TNIK: variants seen among roughly 807,000 people sequenced by gnomAD.
TNIK encodes TRAF2 and NCK interacting kinase, also known as TRAF2 and NCK-interacting protein kinase.
Under a neutral mutation model 191.3 loss-of-function variants are expected in TNIK, and 49 were observed. The observed-to-expected ratio is 0.26, with a 90% CI of 0.20 to 0.32. TNIK has a LOEUF of 0.32. Ranked by LOEUF, TNIK falls within the 10% of genes least tolerant of loss-of-function variation. The pLI, the probability that TNIK is intolerant of heterozygous loss-of-function variation, is 1.00. For missense variants in TNIK, 1,155 were observed against 1,702.3 expected (o/e 0.68, Z 5.66); for synonymous variants, 594 against 600.9 (o/e 0.99, Z 0.17).
rs75669163 is a variant in TNIK at position 171,145,548 on chromosome 3, G to A, written c.1222-5039C>T. On this transcript the variant is annotated intron_variant, in intron 12 of 32. Transcript: ENST00000436636. ...GCTGTGTGGCTGCACTTTCAAGCAT[G>A]TGAATTTGTTAGTTAATTTTAATGA... Among the ~76,000 whole-genome samples the A allele has an allele frequency of 4.6e-3, 702 of 152,222 alleles. 4 individuals are homozygous for A. Among genetic ancestry groups the A allele is most frequent in the Middle Eastern group, 0.041 (12 of 294 alleles).
chr3:171,138,191 C>T lies in TNIK; in HGVS notation c.1608G>A (p.Glu536=). The T allele has an allele frequency of 1.9e-6, 3 of 1,583,620 alleles. No homozygotes were observed. Among genetic ancestry groups the T allele is most frequent in the South Asian group, 1.2e-5 (1 of 85,402 alleles). The part of the protein sequence containing the change: ...SPSEKPAWAK[E]VEERSRLNRQ... ...GGTGAGGCTACCCTTGCTTACTTAC[C>T]TCCTTGGCCCATGCTGGCTTCTCAC... The change falls in exon 15 of 33, where the codon GAG becomes GAA. Residue 536 remains glutamate, a splice_region_variant and synonymous_variant. Transcript: ENST00000436636.
Position 171,071,274 on chromosome 3 carries a change from C to T in TNIK, c.3498G>A (p.Val1166=). 1.2e-6 allele frequency: 2 copies of T among 1,605,944 alleles called. No individual in the cohort carries two copies. The highest frequency in any genetic ancestry group is 1.7e-6 in the Non-Finnish European group (2 of 1,176,390). The change falls in exon 29 of 33, where the codon GTG becomes GTA. Residue 1166 remains valine, a synonymous_variant. Transcript: ENST00000436636. ...GTTTAGGAGCCCAAGCATATATTTC[C>T]ACAGCATTCTTTAAGGCAATCACCA... The part of the protein sequence containing the change: ...KFLVIALKNA[V]EIYAWAPKPY...
chr3:171,093,362 A>G (rs77512634), intron 23 of TNIK, among the ~76,000 whole-genome samples: 11,797 of 152,310 alleles, frequency 0.077, 494 homozygotes, highest in Middle Eastern at 0.13. Flanking sequence ...ATTTCAATAA[A>G]ATAACTTAAC....
rs899741871 is a variant in TNIK at position 171,334,102 on chromosome 3, C to G, written c.123+35518G>C. ...GGGAAGTGTCAAGTACAGCACTGGA[C>G]AGTGGGTGGGGCTGATCACAATGAC... is the stretch of plus-strand genomic sequence containing the variant. On this transcript the variant is annotated intron_variant, in intron 2 of 32. Coordinates refer to ENST00000436636, the MANE Select transcript of TNIK (RefSeq NM_015028.4). 7.2e-5 allele frequency among the ~76,000 whole-genome samples: 11 copies of G among 152,174 alleles called. No homozygotes were observed. In the East Asian group the frequency reaches 2.1e-3, roughly 29 times the overall value.
chr3:171,225,322 C>A (rs1391274759), intron 3 of TNIK, among the ~76,000 whole-genome samples: 1 of 152,098 alleles, frequency 6.6e-6, no homozygotes, highest in African/African-American at 2.4e-5. Context: ...CATCAGACAC[C>A]ACAAAAATAA....
At chr3:171,120,291 G>A (rs548140861) in intron 18 of TNIK, among the ~76,000 whole-genome samples, 5 of 151,250 alleles carry the variant, frequency 3.3e-5, no homozygotes, top group Non-Finnish European at 5.9e-5. Flanking sequence ...TTGCTTAACC[G>A]TTAGGCTCTG....
chr3:171,343,076 C>A (rs1711554929), intron 2 of TNIK, among the ~76,000 whole-genome samples: 1 of 152,132 alleles, frequency 6.6e-6, no homozygotes, highest in East Asian at 1.9e-4. Flanking sequence ...TTATAAGTTA[C>A]CCATCTTGGA....
intron 2 of TNIK, among the ~76,000 whole-genome samples, chr3:171,355,598 G>A (rs980050392): frequency 1.3e-5 from 2 of 152,136 alleles, no homozygotes; most frequent in African/African-American, 4.8e-5. Context: ...TCACTATTTT[G>A]ACAAAGAGAA....
intron 2 of TNIK, among the ~76,000 whole-genome samples, chr3:171,261,575 A>C (rs1237294847): frequency 1.3e-5 from 2 of 152,160 alleles, no homozygotes; most frequent in Non-Finnish European, 2.9e-5. Flanking sequence ...TTTTTGATAA[A>C]ATCAAGGCAA....
At chr3:171,451,195 G>C (rs925260543) in intron 1 of TNIK, among the ~76,000 whole-genome samples, 1 of 152,208 alleles carries the variant, frequency 6.6e-6, no homozygotes, top group African/African-American at 2.4e-5. Context: ...GGTCATAAAA[G>C]ACATAGTGGC....
At chr3:171,359,842 C>T (rs1246965836) in intron 2 of TNIK, among the ~76,000 whole-genome samples, 1 of 152,076 alleles carries the variant, frequency 6.6e-6, no homozygotes, top group East Asian at 1.9e-4. Context: ...GTGAAGAGCC[C>T]TAAATTCTGT....
At chr3:171,079,699 C>T in intron 27 of TNIK, 47 bp from the exon 28 acceptor site, 2 of 1,551,360 alleles carry the variant, frequency 1.3e-6, no homozygotes, top group Non-Finnish European at 1.7e-6. Flanking sequence ...TGACAGCTCT[C>T]ACTTTTTCCT....
chr3:171,098,971 A>C (rs1179173939), intron 22 of TNIK, among the ~76,000 whole-genome samples: 1 of 152,136 alleles, frequency 6.6e-6, no homozygotes, highest in East Asian at 1.9e-4. Flanking sequence ...ATACATAATC[A>C]CATATTTTAA....
At chr3:171,291,535 C>T (rs1751685787) in intron 2 of TNIK, among the ~76,000 whole-genome samples, 1 of 152,160 alleles carries the variant, frequency 6.6e-6, no homozygotes, top group African/African-American at 2.4e-5. Flanking sequence ...TTGCATTCCC[C>T]CAAACCTTCT....
intron 6 of TNIK, among the ~76,000 whole-genome samples, chr3:171,189,491 G>A (rs1182527681): frequency 1.3e-5 from 2 of 152,182 alleles, no homozygotes; most frequent in Non-Finnish European, 2.9e-5. Flanking sequence ...AGTAAGCTTG[G>A]TTGTCAGAAA....
intron 2 of TNIK, among the ~76,000 whole-genome samples, chr3:171,266,771 G>A (rs1329596160): frequency 6.6e-6 from 1 of 152,104 alleles, no homozygotes; most frequent in Non-Finnish European, 1.5e-5. Context: ...TCCTTCCTCT[G>A]GCCTTTCTTG....
chr3:171,100,652 GGAGGA>G (rs1723350430), intron 22 of TNIK, among the ~76,000 whole-genome samples: 1 of 151,246 alleles, frequency 6.6e-6, no homozygotes, highest in South Asian at 2.1e-4. Flanking sequence ...CTTACTAGGT[GGAGGA>G]ACTGGGGAAG....
At chr3:171,457,820 A>C (rs551170129) in intron 1 of TNIK, among the ~76,000 whole-genome samples, 7 of 152,328 alleles carry the variant, frequency 4.6e-5, no homozygotes, top group East Asian at 3.9e-4. Context: ...GCAGAGCCCT[A>C]AGCTGATAGC....
intron 1 of TNIK, among the ~76,000 whole-genome samples, chr3:171,443,746 C>T (rs1184371430): frequency 2.6e-5 from 4 of 152,116 alleles, no homozygotes; most frequent in Admixed American, 2.6e-4. Context: ...ATCACTTGTA[C>T]CCAGAAGTTT....
Sources: allele counts gnomAD v4.1 joint callset (sites outside exome capture counted in the v4.1 genomes callset), GRCh38; gene constraint gnomAD v4.1.1; transcripts MANE v1.5; gene names NCBI Gene and HGNC (gene_info 2026-07-23, HGNC 2026-07-21).